Variants in NFIA observed in about 807,000 individuals in gnomAD.
The protein encoded by NFIA is nuclear factor I A, also known as nuclear factor 1 A-type.
A neutral mutation model predicts 62.8 loss-of-function variants in NFIA; 8 were observed. That is an observed-to-expected ratio of 0.13 (90% CI 0.07 to 0.23). The LOEUF (loss-of-function observed/expected upper bound fraction) is 0.23, where lower values mean the gene tolerates loss of function less well. Ranked by LOEUF, NFIA falls within the 10% of genes least tolerant of loss-of-function variation. The pLI is 1.00. For missense variants in NFIA, 410 were observed against 642.1 expected (o/e 0.64, Z 3.91); for synonymous variants, 235 against 238.1 (o/e 0.99, Z 0.12).
At chr1:61,425,339 TG>T (rs1019176109) in intron 9 of NFIA, among the ~76,000 whole-genome samples, 12 of 152,192 alleles carry the variant, frequency 7.9e-5, no homozygotes, top group Non-Finnish European at 1.6e-4. Flanking sequence ...AAAAAAAATC[TG>T]GCAGGAATTT....
At chr1:61,305,987 A>G (rs1006901578) in intron 3 of NFIA, among the ~76,000 whole-genome samples, 9 of 151,830 alleles carry the variant, frequency 5.9e-5, no homozygotes, top group Admixed American at 3.3e-4. Context: ...AGCTGGGACT[A>G]CAGGCACACA....
intron 3 of NFIA, among the ~76,000 whole-genome samples, chr1:61,311,332 G>C (rs941716718): frequency 1.3e-5 from 2 of 151,976 alleles, no homozygotes; most frequent in East Asian, 3.9e-4. Flanking sequence ...TGGAGGTTGC[G>C]GTGAGCCGAG....
rs184922610 is a variant in NFIA at position 61,256,408 on chromosome 1, C to T, written c.560-21112C>T. ...CCAAGATCGCACCTCTGCACTCCAG[C>T]CTGGGTGAGAAAGTGAGACTCCATC... On this transcript the variant is annotated intron_variant, in intron 2 of 10. Transcript: ENST00000403491. Among the ~76,000 whole-genome samples the T allele has an allele frequency of 2.3e-4, 33 of 145,284 alleles. No homozygotes were observed. The East Asian group carries it at 6.5e-3, about 29-fold the overall frequency.
chr1:61,175,892 A>G (rs908326089), intron 2 of NFIA, among the ~76,000 whole-genome samples: 1 of 152,210 alleles, frequency 6.6e-6, no homozygotes, highest in Non-Finnish European at 1.5e-5. Context: ...CGAAGCTCAT[A>G]GTCCAGGGGA....
chr1:61,404,854 A>G lies in NFIA; in HGVS notation c.1254+572A>G, dbSNP rs116772458. 6.9e-3 allele frequency among the ~76,000 whole-genome samples: 1,049 copies of G among 152,338 alleles called. 4 individuals are homozygous for G. The highest frequency in any genetic ancestry group is 9.9e-3 in the Non-Finnish European group (670 of 68,018). On this transcript the variant is annotated intron_variant, in intron 8 of 10. Coordinates refer to ENST00000403491, the MANE Select transcript of NFIA (RefSeq NM_001134673.4). The stretch of plus-strand genomic sequence containing the variant: ...TTGGTATAAAGCTAAACAGTGTTCA[A>G]TAGCTTCACATGAATGTTTTTATTT...
intron 2 of NFIA, among the ~76,000 whole-genome samples, chr1:61,271,730 C>T (rs1228221957): frequency 6.6e-6 from 1 of 152,180 alleles, no homozygotes; most frequent in Non-Finnish European, 1.5e-5. Context: ...GCCACAGCTC[C>T]CCATCTCCCT....
At chr1:61,236,810 A>G (rs1655040489) in intron 2 of NFIA, among the ~76,000 whole-genome samples, 1 of 152,164 alleles carries the variant, frequency 6.6e-6, no homozygotes, top group Admixed American at 6.5e-5. Context: ...TTCCTGCCCA[A>G]AGAGCTATGG....
At chr1:61,193,960 C>T (rs1651821582) in intron 2 of NFIA, among the ~76,000 whole-genome samples, 1 of 151,976 alleles carries the variant, frequency 6.6e-6, no homozygotes, top group Non-Finnish European at 1.5e-5. Context: ...ACTTTTGGAC[C>T]CAATTAACTG....
At chr1:61,289,673 G>A (rs748403514) in intron 3 of NFIA, among the ~76,000 whole-genome samples, 25 of 152,134 alleles carry the variant, frequency 1.6e-4, no homozygotes, top group Non-Finnish European at 3.2e-4. Flanking sequence ...ATGTGTTTTC[G>A]TTGCTGTTTT....
intron 2 of NFIA, among the ~76,000 whole-genome samples, chr1:61,175,341 C>G (rs1650266576): frequency 1.3e-5 from 2 of 152,096 alleles, no homozygotes; most frequent in African/African-American, 2.4e-5. Context: ...GGGCTTTCAC[C>G]ATGTTGGCCA....
At chr1:61,112,776 C>T (rs2100455870) in intron 2 of NFIA, among the ~76,000 whole-genome samples, 1 of 152,242 alleles carries the variant, frequency 6.6e-6, no homozygotes, top group African/African-American at 2.4e-5. Context: ...CATACTAACC[C>T]ACAAAAGTCT....
chr1:61,153,942 C>A (rs1648608350), intron 2 of NFIA, among the ~76,000 whole-genome samples: 1 of 152,150 alleles, frequency 6.6e-6, no homozygotes, highest in Admixed American at 6.5e-5. Context: ...GCCCTTGTTA[C>A]ATTTTCTCCC....
intron 10 of NFIA, among the ~76,000 whole-genome samples, chr1:61,444,128 TC>T (rs1667704547): frequency 6.6e-6 from 1 of 152,208 alleles, no homozygotes; most frequent in African/African-American, 2.4e-5. Flanking sequence ...TTGAAGAGAA[TC>T]AACGTGCATT....
rs906042337 is a variant in NFIA at position 61,356,830 on chromosome 1, A to T, written c.819-2317A>T. ...GAACTTAATGGCTAAGAATACTGGAATGCCAACATTAATAATTAGAATTTC... is the reference window on the plus strand; with the variant it reads ...GAACTTAATGGCTAAGAATACTGGATTGCCAACATTAATAATTAGAATTTC... On this transcript the variant is annotated intron_variant, in intron 5 of 10. Coordinates refer to ENST00000403491, the MANE Select transcript of NFIA (RefSeq NM_001134673.4). Among the ~76,000 whole-genome samples the T allele has an allele frequency of 6.6e-5, 10 of 152,346 alleles. No individual in the cohort carries two copies. In the South Asian group the frequency reaches 8.3e-4, roughly 13 times the overall value.
intron 2 of NFIA, among the ~76,000 whole-genome samples, chr1:61,229,410 T>A (rs1251594585): frequency 6.6e-6 from 1 of 152,168 alleles, no homozygotes; most frequent in Non-Finnish European, 1.5e-5. Context: ...CTCTCAAATA[T>A]TTTCTCATGT....
chr1:61,341,427 A>G (rs1661905489), intron 4 of NFIA, among the ~76,000 whole-genome samples: 1 of 152,116 alleles, frequency 6.6e-6, no homozygotes, highest in African/African-American at 2.4e-5. Flanking sequence ...ATTATGAGCA[A>G]AAATTCCCTA....
At chr1:61,284,926 A>G (rs751883743) in intron 3 of NFIA, among the ~76,000 whole-genome samples, 21 of 152,202 alleles carry the variant, frequency 1.4e-4, no homozygotes, top group Non-Finnish European at 1.6e-4. Context: ...TATTGAATGT[A>G]ACGTTCCAAG....
intron 5 of NFIA, among the ~76,000 whole-genome samples, chr1:61,358,717 G>A (rs41453448): frequency 0.2 from 29,867 of 152,064 alleles, 3,054 homozygotes; most frequent in East Asian, 0.34. Flanking sequence ...AGGATCACGA[G>A]CCCTGCTTTT....
chr1:61,188,934 A>G (rs1180748341), intron 2 of NFIA, among the ~76,000 whole-genome samples: 2 of 152,230 alleles, frequency 1.3e-5, no homozygotes, highest in Non-Finnish European at 2.9e-5. Context: ...CTGTAAAATA[A>G]GGATAGTAGT....
Sources: gnomAD v4.1 joint callset for allele counts (sites outside exome capture counted in the v4.1 genomes callset) on GRCh38, gnomAD v4.1.1 for gene constraint, MANE v1.5 for transcripts, NCBI Gene and HGNC (gene_info 2026-07-23, HGNC 2026-07-21) for gene names.